Variants in PCDHGB6 observed in about 807,000 individuals in gnomAD.
PCDHGB6 encodes protocadherin gamma-B6.
A neutral mutation model predicts 59.1 loss-of-function variants in PCDHGB6; 51 were observed. The ratio of observed to expected loss-of-function variants is 0.86; its 90% CI spans 0.69 to 1.09. The LOEUF is 1.09. PCDHGB6 is among the 50% of genes least tolerant of loss of function. The pLI is 0.00. For synonymous variants in PCDHGB6, 466 were observed against 495.1 expected (o/e 0.94, Z 0.78); for missense variants, 1,148 against 1,205.1 (o/e 0.95, Z 0.70).
intron 1 of PCDHGB6, among the ~76,000 whole-genome samples, chr5:141,467,330 G>T (rs1335387199): frequency 6.6e-6 from 1 of 152,138 alleles, no homozygotes; most frequent in East Asian, 1.9e-4. Context: ...TGGGATTAGA[G>T]ACGTAAGCCA....
At chr5:141,419,652 CG>C (rs767047378) in intron 1 of PCDHGB6, 3 of 1,612,590 alleles carry the variant, frequency 1.9e-6, no homozygotes, top group Non-Finnish European at 1.7e-6. Context: ...GACGCGGACT[CG>C]GGGCACAATG....
chr5:141,456,875 A>C (rs2098894225), intron 1 of PCDHGB6, among the ~76,000 whole-genome samples: 1 of 152,190 alleles, frequency 6.6e-6, no homozygotes, highest in African/African-American at 2.4e-5. Context: ...AGGCAGGAGA[A>C]TCGCTTGAAC....
At chr5:141,508,124 G>C (rs1248096612) in intron 3 of PCDHGB6, 1 of 152,640 alleles carries the variant, frequency 6.6e-6, no homozygotes, top group Non-Finnish European at 1.5e-5. Flanking sequence ...AGGACAGAGG[G>C]AGGTCAGGGA....
At chr5:141,422,665 C>T in intron 1 of PCDHGB6, 2 of 1,608,390 alleles carry the variant, frequency 1.2e-6, no homozygotes, top group Non-Finnish European at 8.5e-7. Context: ...CGCCCTCGAC[C>T]CGGACAGCAA....
chr5:141,412,554 C>T (rs2095562022), intron 1 of PCDHGB6: 1 of 152,094 alleles, frequency 6.6e-6, no homozygotes, highest in Non-Finnish European at 1.5e-5. Context: ...TGAATTATCT[C>T]ATGAGTTTAT....
In PCDHGB6 at chr5:141,433,198, A is replaced by G. The variant is rs373769649; in HGVS notation, c.2418+22578A>G. 11 of 1,581,706 alleles carry G rather than the reference A, an allele frequency of 7.0e-6. No individual in the cohort carries two copies. The African/African-American group carries it at 1.1e-4, about 16-fold the overall frequency. On this transcript the variant is annotated intron_variant, in intron 1 of 3. Coordinates refer to ENST00000520790, the MANE Select transcript of PCDHGB6 (RefSeq NM_018926.3). ...GGTTAATTGAGGTGAGTTTATATCA[A>G]ATCTTCTTTCTTTTTTTTTTTTAAT...
At position 141,511,345 on chromosome 5, in the gene PCDHGB6, T is replaced by C; in HGVS notation, c.*172T>C. ...AAGTGCCCAGTCAGCACCTACCCCT[T>C]CCCCCCCAGGGGGTTGAATATGCAA... On this transcript the variant is annotated 3_prime_UTR_variant, in exon 4 of 4. Transcript: ENST00000520790. The C allele has an allele frequency of 1.4e-6, 2 of 1,410,502 alleles. No homozygotes were observed. The highest frequency in any genetic ancestry group is 9.4e-7 in the Non-Finnish European group (1 of 1,060,676). 87.4% of individuals were successfully genotyped at this position (1,410,502 alleles called of 1,614,324 possible).
chr5:141,499,233 C>A (rs1047984757), intron 2 of PCDHGB6, among the ~76,000 whole-genome samples: 2 of 152,116 alleles, frequency 1.3e-5, no homozygotes, highest in Non-Finnish European at 2.9e-5. Context: ...CAGCTGTCCC[C>A]AGCCTCTGCA....
chr5:141,454,874 C>A (rs1002727777), intron 1 of PCDHGB6, among the ~76,000 whole-genome samples: 4 of 123,066 alleles, frequency 3.3e-5, no homozygotes, highest in African/African-American at 1.2e-4. Flanking sequence ...GTGGCACGAT[C>A]TTGGCTCACT....
intron 1 of PCDHGB6, chr5:141,427,617 G>C (rs1295636754): frequency 1.4e-6 from 1 of 694,694 alleles, no homozygotes. Context: ...TGAAGTCAAC[G>C]ACAATGCTCC....
intron 1 of PCDHGB6, among the ~76,000 whole-genome samples, chr5:141,459,757 G>T (rs1360124889): frequency 6.6e-6 from 1 of 152,162 alleles, no homozygotes; most frequent in Admixed American, 6.6e-5. Flanking sequence ...ATTCTAGTGG[G>T]TGTGTGATAC....
chr5:141,469,128 T>C (rs567164869), intron 1 of PCDHGB6, among the ~76,000 whole-genome samples: 1 of 151,692 alleles, frequency 6.6e-6, no homozygotes, highest in East Asian at 1.9e-4. Context: ...ATTTAAAAAT[T>C]AGCCAGAAAT....
intron 1 of PCDHGB6, chr5:141,427,415 T>G: frequency 2.1e-6 from 1 of 465,414 alleles, no homozygotes; most frequent in Non-Finnish European, 4.3e-6. Context: ...CGAGAGAAAA[T>G]GGGGAGGTTA....
intron 1 of PCDHGB6, chr5:141,415,646 A>G: frequency 6.2e-7 from 1 of 1,600,190 alleles, no homozygotes; most frequent in South Asian, 1.1e-5. Context: ...TTTGTTAAAA[A>G]AAAAAAGATT....
intron 1 of PCDHGB6, chr5:141,423,468 A>G (rs1474468597): frequency 6.2e-7 from 1 of 1,613,960 alleles, no homozygotes; most frequent in Admixed American, 1.7e-5. Flanking sequence ...TGGACGGGGT[A>G]CAGGCTTTCC....
chr5:141,412,805 A>G (rs2095578499), intron 1 of PCDHGB6, among the ~76,000 whole-genome samples: 1 of 152,246 alleles, frequency 6.6e-6, no homozygotes, highest in Non-Finnish European at 1.5e-5. Context: ...ACCTCCCCTA[A>G]GAAACCTACA....
At chr5:141,471,926 G>T (rs2099266798) in intron 1 of PCDHGB6, among the ~76,000 whole-genome samples, 1 of 152,110 alleles carries the variant, frequency 6.6e-6, no homozygotes, top group African/African-American at 2.4e-5. Flanking sequence ...AATTTTGGGG[G>T]TGATGAGAGT....
In PCDHGB6 at chr5:141,476,737, G is replaced by A. The variant is rs1420138912; in HGVS notation, c.2419-18070G>A. ...AGCGCGCCCTGGACCGAGAACGGGA[G>A]CCTAGTCTCCAGTTAGTGCTGACGG... is the stretch of plus-strand genomic sequence containing the variant. On this transcript the variant is annotated intron_variant, in intron 1 of 3. Coordinates refer to ENST00000520790, the MANE Select transcript of PCDHGB6 (RefSeq NM_018926.3). This position sits in a 1 kb window ranked among gnomAD's most constrained non-coding sequence, Gnocchi z 7.6. The A allele has an allele frequency of 3.1e-6, 5 of 1,613,982 alleles. No individual in the cohort carries two copies. Among genetic ancestry groups the A allele is most frequent in the Non-Finnish European group, 4.2e-6 (5 of 1,180,038 alleles).
intron 1 of PCDHGB6, chr5:141,413,675 G>C (rs773300658): frequency 6.2e-7 from 1 of 1,613,826 alleles, no homozygotes; most frequent in Non-Finnish European, 8.5e-7. Context: ...CCGGATGTGG[G>C]CGTGAACTCC....
Sources: gnomAD v4.1 joint callset for allele counts (sites outside exome capture counted in the v4.1 genomes callset) on GRCh38, gnomAD v4.1.1 for gene constraint, Gnocchi (gnomAD v3.1) non-coding constraint, MANE v1.5 for transcripts, NCBI Gene and HGNC (gene_info 2026-07-23, HGNC 2026-07-21) for gene names.